The following CYP2J2 variants were observed in gnomAD, a reference collection of about 807,000 sequenced individuals.
The protein encoded by CYP2J2 is cytochrome P450 2J2.
Under a neutral mutation model 48.8 loss-of-function variants are expected in CYP2J2, and 41 were observed. That is an observed-to-expected ratio of 0.84 (90% CI 0.66 to 1.09). CYP2J2 has a LOEUF of 1.09. CYP2J2 is among the 50% of genes least tolerant of loss of function. The pLI is 0.00. For missense variants in CYP2J2, 644 were observed against 617.3 expected, an observed-to-expected ratio of 1.04 and a Z score of -0.46; for synonymous variants, 221 against 227.1, an observed-to-expected ratio of 0.97 and a Z score of 0.24.
At chr1:59,905,128 C>T in intron 6 of CYP2J2, 70 bp from the exon 7 acceptor site, 1 of 1,444,242 alleles carries the variant, frequency 6.9e-7, no homozygotes, top group African/African-American at 1.4e-5. Flanking sequence ...TATGAGTGGT[C>T]TCCAAGATGT....
chr1:59,956,988 A>T, the CYP2J2 span, among the ~76,000 whole-genome samples: 1 of 152,166 alleles, frequency 6.6e-6, no homozygotes, highest in Admixed American at 6.5e-5. Context: ...AAAAGCCCTT[A>T]GACTGCATGG....
chr1:59,901,091 G>A lies in CYP2J2; in HGVS notation c.1204C>T (p.Leu402=). Residue 402 remains leucine, a synonymous_variant, in exon 8 of 9, where the codon CTG becomes TTG. Transcript: ENST00000371204. ...GYHLPKGTMI[L]TNLTALHRDP... ...CTGTGCAGCGCCGTCAAATTGGTCA[G>A]GATCATGGTACCCTAGAGAAAGCAG... The A allele has an allele frequency of 6.2e-7, 1 of 1,613,786 alleles. No individual in the cohort carries two copies. Among genetic ancestry groups the A allele is most frequent in the Non-Finnish European group, 8.5e-7 (1 of 1,179,744 alleles).
chr1:59,967,476 A>G, the CYP2J2 span, among the ~76,000 whole-genome samples: 1 of 152,232 alleles, frequency 6.6e-6, no homozygotes, highest in Non-Finnish European at 1.5e-5. Flanking sequence ...TTCTGTTATC[A>G]AGGCGTGCTG....
Position 59,912,268 on chromosome 1 carries a change from CCTT to C in CYP2J2, c.414_416del (p.Arg139del), listed in dbSNP as rs1163073763. ...AGTTCCTTAGTGCTGTCAGAGTGAA[CCTT>C]CTTTGCTCCTTCCATGCCTGGCCAC... On this transcript the variant is annotated inframe_deletion, in exon 3 of 9. Coordinates refer to ENST00000371204, the MANE Select transcript of CYP2J2 (RefSeq NM_000775.4). The C allele has an allele frequency of 6.2e-7, 1 of 1,613,742 alleles. No homozygotes were observed. The highest frequency in any genetic ancestry group is 2.2e-5 in the East Asian group (1 of 44,888).
the CYP2J2 span, among the ~76,000 whole-genome samples, chr1:59,940,963 T>A: frequency 6.6e-6 from 1 of 152,174 alleles, no homozygotes; most frequent in Admixed American, 6.5e-5. Flanking sequence ...AGAATGATAG[T>A]TACCAGAGTC....
At chr1:59,935,025 T>TATATATATATATATATATATATAC in the CYP2J2 span, among the ~76,000 whole-genome samples, 22 of 85,834 alleles carry the variant, frequency 2.6e-4, 1 homozygote, top group South Asian at 2.5e-3. Flanking sequence ...CATATATATA[T>TATATATATATATATATATATATAC]ATATATATAT....
chr1:59,948,341 T>C, the CYP2J2 span, among the ~76,000 whole-genome samples: 5 of 152,204 alleles, frequency 3.3e-5, no homozygotes, highest in Non-Finnish European at 7.3e-5. Context: ...CTGATGGCTG[T>C]CCATCACTTG....
intron 1 of CYP2J2, among the ~76,000 whole-genome samples, chr1:59,922,251 C>T (rs1290536487): frequency 6.6e-6 from 1 of 152,150 alleles, no homozygotes; most frequent in Non-Finnish European, 1.5e-5. Flanking sequence ...CTGAATAACC[C>T]GGGCAGTTCA....
chr1:59,954,932 T>C, the CYP2J2 span, among the ~76,000 whole-genome samples: 1 of 151,248 alleles, frequency 6.6e-6, no homozygotes, highest in Non-Finnish European at 1.5e-5. Flanking sequence ...AGTCCAGGAG[T>C]TTAATACCAG....
intron 1 of CYP2J2, among the ~76,000 whole-genome samples, chr1:59,918,186 A>AT (rs902386295): frequency 1.3e-5 from 2 of 152,138 alleles, no homozygotes; most frequent in African/African-American, 4.8e-5. Context: ...ACATTAAGCA[A>AT]TTTTTTTAAT....
intron 8 of CYP2J2, among the ~76,000 whole-genome samples, chr1:59,894,568 C>A (rs934275922): frequency 3.3e-5 from 5 of 152,190 alleles, no homozygotes; most frequent in Non-Finnish European, 7.3e-5. Flanking sequence ...CACCTCCTAA[C>A]CACGTGATTG....
Position 59,909,935 on chromosome 1 carries a change from A to C in CYP2J2, c.710T>G (p.Met237Arg), listed in dbSNP as rs751537922. Residue 237 changes from methionine to arginine, a missense_variant, in exon 5 of 9, where the codon ATG (methionine) becomes AGG (arginine). By Grantham distance (91) the Met-to-Arg change is moderately conservative (BLOSUM62 -1). Transcript: ENST00000371204. ...CQLYNVFPWI[M>R]KFLPGPHQTL... ...TTGGTGGGGTCCAGGCAGGAATTTCATTATCCATGGAAAGACATTGTAGAG... is the reference window on the plus strand; with the variant it reads ...TTGGTGGGGTCCAGGCAGGAATTTCCTTATCCATGGAAAGACATTGTAGAG... The C allele has an allele frequency of 1.9e-5, 30 of 1,609,238 alleles. No individual in the cohort carries two copies. Among genetic ancestry groups the C allele is most frequent in the Middle Eastern group, 3.3e-4 (2 of 6,072 alleles).
chr1:59,957,681 GACACACACACACAC>G, the CYP2J2 span, among the ~76,000 whole-genome samples: 2 of 137,244 alleles, frequency 1.5e-5, no homozygotes, highest in Non-Finnish European at 3.1e-5. Context: ...CAGACACACA[GACACACACACACAC>G]ACACACACCA....
chr1:59,937,930 C>T, the CYP2J2 span, among the ~76,000 whole-genome samples: 1 of 152,048 alleles, frequency 6.6e-6, no homozygotes, highest in African/African-American at 2.4e-5. Context: ...TTAATTATCT[C>T]TATCTTTTTG....
the CYP2J2 span, among the ~76,000 whole-genome samples, chr1:59,953,151 T>C: frequency 1.3e-5 from 2 of 152,194 alleles, no homozygotes; most frequent in Non-Finnish European, 2.9e-5. Context: ...AAACCACTTA[T>C]GACAACGGGT....
chr1:59,941,281 A>G, the CYP2J2 span, among the ~76,000 whole-genome samples: 1 of 152,334 alleles, frequency 6.6e-6, no homozygotes, highest in African/African-American at 2.4e-5. Context: ...CCATACAGTT[A>G]TAGTGGAGCT....
chr1:59,951,942 A>G, the CYP2J2 span, among the ~76,000 whole-genome samples: 1 of 152,186 alleles, frequency 6.6e-6, no homozygotes, highest in Non-Finnish European at 1.5e-5. Flanking sequence ...TCTGTCATCG[A>G]AACTATGGCT....
At chr1:59,906,951 T>A (rs560626974) in intron 6 of CYP2J2, among the ~76,000 whole-genome samples, 16 of 152,358 alleles carry the variant, frequency 1.1e-4, no homozygotes, top group African/African-American at 3.6e-4. Context: ...ATTTTATGCC[T>A]CATTAATAAA....
chr1:59,934,795 T>C, the CYP2J2 span, among the ~76,000 whole-genome samples: 1 of 151,172 alleles, frequency 6.6e-6, no homozygotes, highest in Non-Finnish European at 1.5e-5. Flanking sequence ...AAATATGGAG[T>C]TTCTTTTAAA....
Sources: allele counts gnomAD v4.1 joint callset (sites outside exome capture counted in the v4.1 genomes callset), GRCh38; gene constraint gnomAD v4.1.1; transcripts MANE v1.5; gene names NCBI Gene and HGNC (gene_info 2026-07-23, HGNC 2026-07-21).